Variants in MTUS2 observed in about 807,000 individuals in gnomAD.
The protein encoded by MTUS2 is microtubule-associated tumor suppressor candidate 2.
A neutral mutation model predicts 114.1 loss-of-function variants in MTUS2; 40 were observed. The ratio of observed to expected loss-of-function variants is 0.35; its 90% CI spans 0.27 to 0.46. The LOEUF is 0.46. MTUS2 is among the 20% of genes least tolerant of loss of function. The pLI, the probability that MTUS2 is intolerant of heterozygous loss-of-function variation, is 1.00. For synonymous variants in MTUS2, 688 were observed against 672.0 expected (o/e 1.02, Z -0.37); for missense variants, 1,679 against 1,705.4 (o/e 0.98, Z 0.27).
chr13:28,960,504 T>C (rs570886741), intron 2 of MTUS2, among the ~76,000 whole-genome samples: 3 of 152,198 alleles, frequency 2.0e-5, no homozygotes, highest in African/African-American at 7.2e-5. Flanking sequence ...CCTCATACAA[T>C]TGAATGTTAT....
In MTUS2 at chr13:29,426,891, G is replaced by C. The variant is rs118034475; in HGVS notation, c.3118-13092G>C. Among the ~76,000 whole-genome samples, 1,150 of 152,332 alleles carry C rather than the reference G, an allele frequency of 7.5e-3. 5 individuals carry two copies. Among genetic ancestry groups the C allele is most frequent in the Non-Finnish European group, 0.012 (842 of 68,034 alleles). On this transcript the variant is annotated intron_variant, in intron 8 of 15. Transcript: ENST00000612955. ...CGTTTTGGCTATTGTGAATAATGCT[G>C]CTATGAGCGTGGGGGTATACTAAGC...
At chr13:29,198,414 G>C (rs1456978511) in intron 5 of MTUS2, among the ~76,000 whole-genome samples, 1 of 152,186 alleles carries the variant, frequency 6.6e-6, no homozygotes, top group Admixed American at 6.5e-5. Context: ...CCTCTGTTCT[G>C]TTCCATTGGT....
chr13:28,874,873 T>G (rs1232658445), intron 2 of MTUS2, among the ~76,000 whole-genome samples: 1 of 152,218 alleles, frequency 6.6e-6, no homozygotes, highest in African/African-American at 2.4e-5. Context: ...TTGTTTTGTT[T>G]GAAGTAGATT....
chr13:29,492,382 C>G (rs1343574650), intron 11 of MTUS2, among the ~76,000 whole-genome samples: 3 of 151,534 alleles, frequency 2.0e-5, no homozygotes, highest in Admixed American at 6.6e-5. Context: ...AGTGTGTGGT[C>G]TGTGTGTGTT....
chr13:29,155,522 A>T (rs1001876590), intron 5 of MTUS2, among the ~76,000 whole-genome samples: 2 of 152,178 alleles, frequency 1.3e-5, no homozygotes, highest in Non-Finnish European at 2.9e-5. Flanking sequence ...AGCAGGGTGG[A>T]GAGAAAGTGC....
At chr13:28,923,936 C>T (rs959436932) in intron 2 of MTUS2, among the ~76,000 whole-genome samples, 6 of 152,148 alleles carry the variant, frequency 3.9e-5, no homozygotes, top group African/African-American at 1.4e-4. Context: ...CCCTTCTCCA[C>T]CCTCCCCACC....
intron 2 of MTUS2, among the ~76,000 whole-genome samples, chr13:28,897,186 G>C (rs534348433): frequency 6.6e-6 from 1 of 152,108 alleles, no homozygotes; most frequent in Non-Finnish European, 1.5e-5. Context: ...AATCTACAAT[G>C]AACTCAAACA....
At chr13:29,251,231 T>C (rs1027262685) in intron 5 of MTUS2, among the ~76,000 whole-genome samples, 61 of 152,066 alleles carry the variant, frequency 4.0e-4, no homozygotes, top group Middle Eastern at 6.8e-3. Flanking sequence ...TCTGTACTTA[T>C]GTAGGCAAGC....
intron 7 of MTUS2, among the ~76,000 whole-genome samples, chr13:29,338,172 G>A (rs1045307301): frequency 1.3e-5 from 2 of 152,054 alleles, no homozygotes; most frequent in African/African-American, 4.8e-5. Flanking sequence ...AGTTTTCCCC[G>A]ATAGTCTAGG....
intron 5 of MTUS2, among the ~76,000 whole-genome samples, chr13:29,164,231 G>C (rs566428496): frequency 6.6e-6 from 1 of 152,174 alleles, no homozygotes; most frequent in African/African-American, 2.4e-5. Flanking sequence ...CCCTGTGCCC[G>C]CAACAGGCTG....
intron 9 of MTUS2, among the ~76,000 whole-genome samples, chr13:29,460,794 T>C (rs964039926): frequency 5.3e-5 from 8 of 152,042 alleles, no homozygotes; most frequent in South Asian, 4.2e-4. Flanking sequence ...CTTTTTTTAG[T>C]GAGATCAGGG....
intron 5 of MTUS2, among the ~76,000 whole-genome samples, chr13:29,248,936 A>G (rs187146690): frequency 1.8e-4 from 27 of 152,308 alleles, no homozygotes; most frequent in Non-Finnish European, 3.7e-4. Context: ...TGCAATAAAC[A>G]TATGTATGCA....
intron 11 of MTUS2, among the ~76,000 whole-genome samples, chr13:29,492,177 TGTG>T (rs1459787540): frequency 4.0e-3 from 7 of 1,770 alleles, no homozygotes; most frequent in African/African-American, 8.8e-3. Context: ...ATGTGATGTG[TGTG>T]GTAGGTGTGT....
intron 5 of MTUS2, among the ~76,000 whole-genome samples, chr13:29,213,002 G>C (rs904226790): frequency 3.9e-5 from 6 of 152,068 alleles, no homozygotes; most frequent in Non-Finnish European, 8.8e-5. Context: ...ACCACCAAGA[G>C]AGTCTGTCAT....
At chr13:29,393,917 C>T (rs1873707270) in intron 8 of MTUS2, among the ~76,000 whole-genome samples, 2 of 152,104 alleles carry the variant, frequency 1.3e-5, no homozygotes, top group African/African-American at 4.8e-5. Flanking sequence ...TTCTGATTAG[C>T]TTTTCCAAAG....
In MTUS2 at chr13:28,824,688, A is replaced by G. The variant is rs529707851; in HGVS notation, c.-316+4077A>G. Among the ~76,000 whole-genome samples, 291 of 148,902 alleles carry G rather than the reference A, an allele frequency of 2.0e-3. 1 individual carries two copies. The highest frequency in any genetic ancestry group is 6.7e-3 in the African/African-American group (271 of 40,312). On this transcript the variant is annotated intron_variant, in intron 1 of 15. Transcript: ENST00000612955. ...CTAGCTTTTTTTTTTTTTTTTAAAC[A>G]CCATCCAACAAAAAAGTTTGAGTGT...
intron 5 of MTUS2, among the ~76,000 whole-genome samples, chr13:29,137,396 C>T (rs1002200335): frequency 6.6e-6 from 1 of 152,076 alleles, no homozygotes; most frequent in Non-Finnish European, 1.5e-5. Context: ...TCATGTTTTT[C>T]ACCAAATGGG....
At chr13:28,944,724 C>A (rs533727472) in intron 2 of MTUS2, among the ~76,000 whole-genome samples, 185 of 152,302 alleles carry the variant, frequency 1.2e-3, no homozygotes, top group African/African-American at 4.3e-3. Context: ...TGGGAGTGGT[C>A]TGAACAGGCT....
At chr13:29,229,288 C>G (rs759055418) in intron 5 of MTUS2, among the ~76,000 whole-genome samples, 1 of 152,170 alleles carries the variant, frequency 6.6e-6, no homozygotes, top group African/African-American at 2.4e-5. Flanking sequence ...GCATCTGAAC[C>G]ATTAGTTTCA....
Sources: allele counts gnomAD v4.1 joint callset (sites outside exome capture counted in the v4.1 genomes callset), GRCh38; gene constraint gnomAD v4.1.1; transcripts MANE v1.5; gene names NCBI Gene and HGNC (gene_info 2026-07-23, HGNC 2026-07-21).